TMEM80: variants seen among roughly 807,000 people sequenced by gnomAD.
The protein encoded by TMEM80 is transmembrane protein 80.
TMEM80 carries 16 observed loss-of-function variants against 13.6 expected under a neutral mutation model. The observed-to-expected ratio is 1.17, with a 90% confidence interval of 0.79 to 1.78. The LOEUF is 1.78. TMEM80 is among the 40% of genes most tolerant of loss of function. The pLI, the probability that TMEM80 is intolerant of heterozygous loss-of-function variation, is 0.00. For missense variants in TMEM80, 167 were observed against 184.6 expected, an observed-to-expected ratio of 0.90 and a Z score of 0.55; for synonymous variants, 92 against 89.5, an observed-to-expected ratio of 1.03 and a Z score of -0.16.
intron 4 of TMEM80, chr11:701,186 C>G (rs1440431780): frequency 5.5e-6 from 1 of 181,654 alleles, no homozygotes; most frequent in African/African-American, 2.4e-5. Context: ...CTTCCAGTGA[C>G]CTACTTTTTT....
rs1399428264 is a variant in TMEM80 at position 703,412 on chromosome 11, G to T, written c.*262G>T. 2 of 1,330,456 alleles carry T rather than the reference G, an allele frequency of 1.5e-6. No individual in the cohort carries two copies. The highest frequency in any genetic ancestry group is 7.5e-5 in the Admixed American group (2 of 26,706). The allele number at this position is 1,330,456 out of a possible 1,614,324, so 82.4% of individuals were successfully genotyped here. ...TGCCTTCAAGATGAGTCCCAGGAGCGCACACTCAGCCCTGTCAGTGGGGTC... is the reference window on the plus strand; with the variant it reads ...TGCCTTCAAGATGAGTCCCAGGAGCTCACACTCAGCCCTGTCAGTGGGGTC... On this transcript the variant is annotated 3_prime_UTR_variant, in exon 5 of 5. Transcript: ENST00000397510.
Position 703,724 on chromosome 11 carries a change from C to G in TMEM80, c.*574C>G, listed in dbSNP as rs1590040490. On this transcript the variant is annotated 3_prime_UTR_variant, in exon 5 of 5. Transcript: ENST00000397510. ...CGGTGCAAGAGTGGACTCTGGGTTC[C>G]TAAAGCAATAAATGCAAACAAGCCA... 1 of 1,232,578 alleles carries G rather than the reference C, an allele frequency of 8.1e-7. No individual in the cohort carries two copies. Among genetic ancestry groups the G allele is most frequent in the East Asian group, 3.2e-5 (1 of 31,706 alleles). The allele number at this position is 1,232,578 out of a possible 1,614,324, so 76.4% of individuals were successfully genotyped here.
Position 697,100 on chromosome 11 carries a change from C to CA in TMEM80, c.19+1268dup, listed in dbSNP as rs71022954. Among the ~76,000 whole-genome samples, 331 of 142,112 alleles carry CA rather than the reference C, an allele frequency of 2.3e-3. 1 individual carries two copies. The highest frequency in any genetic ancestry group is 0.014 in the Middle Eastern group (4 of 278). The allele number at this position is 142,112 out of a possible 152,430, so 93.2% of individuals were successfully genotyped here. A position where few individuals can be genotyped will look rare whatever the true frequency, so the allele number is the denominator to read the frequency against. On this transcript the variant is annotated intron_variant, in intron 1 of 4. Coordinates refer to ENST00000397510, the MANE Select transcript of TMEM80 (RefSeq NM_001042463.3). The stretch of plus-strand genomic sequence containing the variant: ...GGGCAACAAGAGCGAAATTCTGTCT[C>CA]AAAAAAAAAAAAAATTACCTCAGGG...
chr11:696,829 C>T (rs990851251), intron 1 of TMEM80, among the ~76,000 whole-genome samples: 2 of 40,364 alleles, frequency 5.0e-5, no homozygotes, highest in African/African-American at 1.5e-4. Context: ...CCTGTAATCC[C>T]AGCACTTTGG....
At chr11:698,760 C>T (rs551772041) in intron 1 of TMEM80, 109 bp from the exon 2 acceptor site, 27 of 1,307,162 alleles carry the variant, frequency 2.1e-5, no homozygotes, top group Admixed American at 8.4e-5. Flanking sequence ...TCTACAAATA[C>T]GAGATCAAAG....
At position 702,313 on chromosome 11, in the gene TMEM80, G is replaced by A. The variant is rs1044287351; in HGVS notation, c.227-632G>A. ...GCACTGCTGGGAGGGTGCGAGCACC[G>A]CTGCGGCACAGAGGCCCGGTTCTTG... On this transcript the variant is annotated intron_variant, in intron 4 of 4. Coordinates refer to ENST00000397510, the MANE Select transcript of TMEM80 (RefSeq NM_001042463.3). Among the ~76,000 whole-genome samples the A allele has an allele frequency of 6.6e-5, 10 of 152,248 alleles. No homozygotes were observed. The South Asian group carries it at 8.3e-4, about 13-fold the overall frequency.
chr11:699,743 C>G (rs1270907477), intron 2 of TMEM80: 1 of 180,176 alleles, frequency 5.6e-6, no homozygotes, highest in Non-Finnish European at 1.2e-5. Flanking sequence ...CAGAGCAAGA[C>G]TCTATCTCAA....
rs7104035 is a variant in TMEM80, at chr11:703,510, A to G, written c.*360A>G. The stretch of plus-strand genomic sequence containing the variant: ...CGAGAGGGAGGACAGAGCCCTTCAG[A>G]ACAGAGGCCTCATCTCACTGCATCC... On this transcript the variant is annotated 3_prime_UTR_variant, in exon 5 of 5. Transcript: ENST00000397510. 1,773 of 1,242,562 alleles carry G rather than the reference A, an allele frequency of 1.4e-3. 18 individuals carry two copies. In the African/African-American group the frequency reaches 0.023, roughly 16 times the overall value. The allele number at this position is 1,242,562 out of a possible 1,614,324, so 77.0% of individuals were successfully genotyped here.
intron 4 of TMEM80, among the ~76,000 whole-genome samples, chr11:702,277 C>T (rs1861533456): frequency 6.6e-6 from 1 of 152,258 alleles, no homozygotes; most frequent in African/African-American, 2.4e-5. Flanking sequence ...AGAGCTTGCC[C>T]CCCAGGGCGG....
At chr11:700,301 C>G in intron 3 of TMEM80, 66 bp downstream of exon 3, 1 of 1,420,934 alleles carries the variant, frequency 7.0e-7, no homozygotes, top group Non-Finnish European at 9.8e-7. Flanking sequence ...CTGAGGTGGG[C>G]GGATCACTTG....
intron 2 of TMEM80, 104 bp from the exon 3 acceptor site, chr11:700,038 G>A: frequency 1.1e-6 from 1 of 877,450 alleles, no homozygotes; most frequent in Non-Finnish European, 1.9e-6. Context: ...GTCCCTTGGT[G>A]TCTGTGGCCA....
chr11:700,428 G>C (rs553683868), intron 3 of TMEM80, among the ~76,000 whole-genome samples, 187 bp from the exon 4 acceptor site: 2 of 151,960 alleles, frequency 1.3e-5, no homozygotes, highest in Admixed American at 1.3e-4. Context: ...TCGGGAGACT[G>C]AGGTGGGAGG....
rs759752578 is a variant in TMEM80, at chr11:703,154, C to T, written c.*4C>T. 4.4e-6 allele frequency: 7 copies of T among 1,600,094 alleles called. No individual in the cohort carries two copies. In the African/African-American group the frequency reaches 5.4e-5, roughly 12 times the overall value. On this transcript the variant is annotated 3_prime_UTR_variant, in exon 5 of 5. Coordinates refer to ENST00000397510, the MANE Select transcript of TMEM80 (RefSeq NM_001042463.3). ...CATCGCGGCCTTCACCAGGTAGCTA[C>T]GGACACCCGGGATACCCCACACTGG...
At chr11:696,996 T>C (rs1400170045) in intron 1 of TMEM80, among the ~76,000 whole-genome samples, 2 of 135,478 alleles carry the variant, frequency 1.5e-5, no homozygotes, top group Non-Finnish European at 3.1e-5. Flanking sequence ...GGAGAATTGC[T>C]CGAACCCGGT....
At chr11:700,327 G>T (rs1861388947) in intron 3 of TMEM80, 92 bp downstream of exon 3, 1 of 1,189,948 alleles carries the variant, frequency 8.4e-7, no homozygotes, top group Admixed American at 1.8e-5. Context: ...AGGAGTTTGA[G>T]ACCAGCCAGG....
In TMEM80 at chr11:703,859, C is replaced by T. The variant is rs551336616; in HGVS notation, c.*709C>T. The T allele has an allele frequency of 1.4e-5, 17 of 1,236,786 alleles. No individual in the cohort carries two copies. Among genetic ancestry groups the T allele is most frequent in the South Asian group, 4.1e-5 (1 of 24,458 alleles). The allele number at this position is 1,236,786 out of a possible 1,614,324, so 76.6% of individuals were successfully genotyped here. ...GATGAGACTGCAGGAGAGAGAGCAG[C>T]GGAGGGCCACATTCGGAGCCTCCGT... On this transcript the variant is annotated 3_prime_UTR_variant, in exon 5 of 5. Transcript: ENST00000397510.
upstream of TMEM80, chr11:695,783 A>C (rs1861106093): frequency 8.1e-7 from 1 of 1,236,546 alleles, no homozygotes; most frequent in South Asian, 3.8e-5. Context: ...GCGCGGGCCG[A>C]GAGGCTGCCG....
intron 4 of TMEM80, among the ~76,000 whole-genome samples, chr11:702,306 G>A (rs769738861): frequency 1.3e-5 from 2 of 152,228 alleles, no homozygotes; most frequent in Non-Finnish European, 2.9e-5. Flanking sequence ...GGGAGGGTGC[G>A]AGCACCGCTG....
downstream of TMEM80, chr11:704,635 C>T (rs77025407): frequency 7.8e-7 from 1 of 1,289,350 alleles, no homozygotes; most frequent in Non-Finnish European, 1.0e-6. Flanking sequence ...GACCTGTTGC[C>T]TTCATGGTTA....
Sources: gnomAD v4.1 joint callset for allele counts (sites outside exome capture counted in the v4.1 genomes callset) on GRCh38, gnomAD v4.1.1 for gene constraint, MANE v1.5 for transcripts, NCBI Gene and HGNC (gene_info 2026-07-23, HGNC 2026-07-21) for gene names.